The following ST3GAL3 variants were observed in gnomAD, a reference collection of about 807,000 sequenced individuals.
ST3GAL3 encodes ST3 beta-galactoside alpha-2,3-sialyltransferase 3.
Under a neutral mutation model 50.1 loss-of-function variants are expected in ST3GAL3, and 21 were observed. That is an observed-to-expected ratio of 0.42 (90% confidence interval 0.30 to 0.60). The LOEUF (loss-of-function observed/expected upper bound fraction) is 0.60. Ranked by LOEUF, ST3GAL3 falls within the 20% of genes least tolerant of loss-of-function variation. The pLI, the probability that ST3GAL3 is intolerant of heterozygous loss-of-function variation, is 0.19. For missense variants in ST3GAL3, 353 were observed against 489.4 expected (o/e 0.72, Z 2.63); for synonymous variants, 183 against 190.0 (o/e 0.96, Z 0.30).
At chr1:43,855,673 C>T (rs143289761) in intron 5 of ST3GAL3, among the ~76,000 whole-genome samples, 2 of 151,114 alleles carry the variant, frequency 1.3e-5, no homozygotes, top group East Asian at 3.9e-4. Flanking sequence ...ATCCCAAAAA[C>T]TCTAAAACCC....
intron 4 of ST3GAL3, among the ~76,000 whole-genome samples, chr1:43,828,694 C>G: frequency 6.6e-6 from 1 of 151,954 alleles, no homozygotes; most frequent in East Asian, 1.9e-4. Context: ...CAAATTAAAA[C>G]AACAGTGAAA....
chr1:43,906,113 C>T (rs2079556799), intron 9 of ST3GAL3, among the ~76,000 whole-genome samples: 2 of 121,538 alleles, frequency 1.6e-5, no homozygotes, highest in African/African-American at 3.2e-5. Context: ...GCCACTTTTC[C>T]TCCCCCTCTT....
intron 2 of ST3GAL3, among the ~76,000 whole-genome samples, chr1:43,769,279 C>T (rs1048692791): frequency 1.3e-5 from 2 of 152,120 alleles, no homozygotes; most frequent in Non-Finnish European, 2.9e-5. Context: ...GGTATCTGTT[C>T]GTAAAACTCA....
intron 5 of ST3GAL3, among the ~76,000 whole-genome samples, chr1:43,885,026 G>A (rs2075743651): frequency 6.6e-6 from 1 of 152,198 alleles, no homozygotes; most frequent in Admixed American, 6.5e-5. Flanking sequence ...CTTAGAACAT[G>A]GTTTAGGTTG....
intron 9 of ST3GAL3, 159 bp from the exon 10 acceptor site, chr1:43,920,245 T>C (rs1451428319): frequency 1.3e-6 from 1 of 792,408 alleles, no homozygotes; most frequent in African/African-American, 1.7e-5. Context: ...ACACTCCATT[T>C]CCCCAAACAC....
intron 4 of ST3GAL3, among the ~76,000 whole-genome samples, chr1:43,818,861 A>T (rs149163882): frequency 7.9e-5 from 12 of 152,012 alleles, no homozygotes; most frequent in African/African-American, 2.9e-4. Context: ...ACAACTGAAG[A>T]TAGAGTTAGT....
intron 1 of ST3GAL3, among the ~76,000 whole-genome samples, chr1:43,721,726 T>C (rs1325845686): frequency 6.6e-6 from 1 of 152,100 alleles, no homozygotes; most frequent in African/African-American, 2.4e-5. Flanking sequence ...CTCAGCCTCC[T>C]GAGTAGCTGA....
intron 4 of ST3GAL3, among the ~76,000 whole-genome samples, chr1:43,818,233 A>G (rs2061658104): frequency 6.6e-6 from 1 of 152,184 alleles, no homozygotes; most frequent in South Asian, 2.1e-4. Flanking sequence ...TGGAACCCCA[A>G]AGGGCTCAGC....
intron 5 of ST3GAL3, among the ~76,000 whole-genome samples, chr1:43,885,288 A>G (rs2075787604): frequency 6.6e-6 from 1 of 152,132 alleles, no homozygotes; most frequent in Non-Finnish European, 1.5e-5. Flanking sequence ...GTACTCTCCC[A>G]GGGCCCAAAA....
chr1:43,922,202 C>T (rs2083148257), intron 11 of ST3GAL3: 1 of 153,160 alleles, frequency 6.5e-6, no homozygotes, highest in African/African-American at 2.4e-5. Context: ...CCCATCTCTA[C>T]TAAAAATAGG....
chr1:43,889,339 C>CTT (rs2154263224), intron 5 of ST3GAL3, among the ~76,000 whole-genome samples: 1 of 151,976 alleles, frequency 6.6e-6, no homozygotes, highest in East Asian at 1.9e-4. Flanking sequence ...AGCTAGACTT[C>CTT]TTTGAATGTA....
rs372630247 is a variant in ST3GAL3 at position 43,857,089 on chromosome 1, A to G, written c.302+18778A>G. On this transcript the variant is annotated intron_variant, in intron 5 of 11. Transcript: ENST00000347631. ...CCTGCTAACTGTTTCTGATGGTGTC[A>G]GAGTACATTGTTTCTCCTACCCCAG... 2.0e-5 allele frequency among the ~76,000 whole-genome samples: 3 copies of G among 152,312 alleles called. No homozygotes were observed. The East Asian group carries it at 5.8e-4, about 29-fold the overall frequency.
intron 3 of ST3GAL3, among the ~76,000 whole-genome samples, chr1:43,812,142 C>T (rs1299841005): frequency 6.6e-6 from 1 of 152,168 alleles, no homozygotes; most frequent in Non-Finnish European, 1.5e-5. Context: ...CAGCCACAGC[C>T]CTCATGAGCT....
intron 2 of ST3GAL3, among the ~76,000 whole-genome samples, chr1:43,775,335 G>A (rs1426669561): frequency 6.6e-6 from 1 of 151,424 alleles, no homozygotes; most frequent in East Asian, 1.9e-4. Context: ...CCAGATTCAA[G>A]CGATTCTCCT....
intron 2 of ST3GAL3, among the ~76,000 whole-genome samples, chr1:43,771,239 A>G (rs893501885): frequency 1.2e-4 from 19 of 152,204 alleles, no homozygotes; most frequent in South Asian, 8.3e-4. Context: ...GTGTCTGAAT[A>G]TATCTGTTAT....
At chr1:43,850,304 G>A in intron 5 of ST3GAL3, 3 of 569,562 alleles carry the variant, frequency 5.3e-6, no homozygotes, top group Non-Finnish European at 9.3e-6. Flanking sequence ...TCCTTTAGAA[G>A]TCAGGCAGGC....
At chr1:43,907,562 T>C (rs1245167215) in intron 9 of ST3GAL3, among the ~76,000 whole-genome samples, 3 of 152,116 alleles carry the variant, frequency 2.0e-5, no homozygotes, top group Admixed American at 6.5e-5. Context: ...ACAGGGAAAA[T>C]AAAGGTTGTC....
At chr1:43,744,565 C>T (rs547880009) in intron 2 of ST3GAL3, among the ~76,000 whole-genome samples, 173 of 151,616 alleles carry the variant, frequency 1.1e-3, no homozygotes, top group Middle Eastern at 3.4e-3. Flanking sequence ...AAATAAACTT[C>T]TCGTTTAAAA....
intron 2 of ST3GAL3, among the ~76,000 whole-genome samples, chr1:43,766,259 C>T (rs1393601793): frequency 6.6e-6 from 1 of 152,112 alleles, no homozygotes; most frequent in Non-Finnish European, 1.5e-5. Flanking sequence ...TTGTTACTTA[C>T]TCAGCTTTAT....
Sources: allele counts gnomAD v4.1 joint callset (sites outside exome capture counted in the v4.1 genomes callset), GRCh38; gene constraint gnomAD v4.1.1; transcripts MANE v1.5; gene names NCBI Gene and HGNC (gene_info 2026-07-23, HGNC 2026-07-21).